The following CSMD1 variants were observed in gnomAD, a reference collection of about 807,000 sequenced individuals.
CSMD1 encodes the protein CUB and Sushi multiple domains 1.
A neutral mutation model predicts 417.5 loss-of-function variants in CSMD1; 213 were observed. The observed-to-expected ratio is 0.51, with a 90% CI of 0.46 to 0.57. CSMD1 has a LOEUF of 0.57. Ranked by LOEUF, CSMD1 falls within the 20% of genes least tolerant of loss-of-function variation. The probability of loss-of-function intolerance (pLI) is 0.00; values close to 1 mark genes in which losing one functional copy is unlikely to be tolerated. For missense variants in CSMD1, 6,923 were observed against 4,529.7 expected (o/e 1.53, Z -15.17); for synonymous variants, 2,862 against 1,736.8 (o/e 1.65, Z -16.11).
At chr8:4,822,505 C>T (rs1454511703) in intron 1 of CSMD1, among the ~76,000 whole-genome samples, 1 of 151,960 alleles carries the variant, frequency 6.6e-6, no homozygotes, top group Non-Finnish European at 1.5e-5. Context: ...TCTCATTTAC[C>T]TGGGCCACAG....
At chr8:3,506,086 G>C (rs1796813435) in intron 10 of CSMD1, among the ~76,000 whole-genome samples, 1 of 152,224 alleles carries the variant, frequency 6.6e-6, no homozygotes, top group South Asian at 2.1e-4. Context: ...CTGGGGCTGT[G>C]TTCTCATAAG....
intron 1 of CSMD1, among the ~76,000 whole-genome samples, chr8:4,792,989 TA>T (rs1200406858): frequency 6.7e-6 from 1 of 148,320 alleles, no homozygotes; most frequent in African/African-American, 2.5e-5. Context: ...ATGCAATATA[TA>T]TATATATATA....
At chr8:4,982,567 G>C (rs368780049) in intron 1 of CSMD1, among the ~76,000 whole-genome samples, 4 of 152,190 alleles carry the variant, frequency 2.6e-5, no homozygotes, top group East Asian at 1.9e-4. Context: ...CTTTAACTTA[G>C]GTACTTCTTT....
At position 3,493,633 on chromosome 8, in the gene CSMD1, C is replaced by T; in HGVS notation, c.1438G>A (p.Val480Ile). The change falls in exon 11 of 70, where the codon GTC becomes ATC. Residue 480 changes from valine to isoleucine, a missense_variant. Coordinates refer to ENST00000635120, the MANE Select transcript of CSMD1 (RefSeq NM_033225.6). The stretch of plus-strand genomic sequence containing the variant: ...CAAGGACATACTCACACGTACAAGA[C>T]CGATCTGGTGTCTCCCACCTTCCCA... ...DAGKVGDTRSVLYVLTGSSVP... is the reference protein window; with the variant it reads ...DAGKVGDTRSILYVLTGSSVP... 1 of 1,609,638 alleles carries T rather than the reference C, an allele frequency of 6.2e-7. No individual in the cohort carries two copies.
At chr8:4,883,158 T>TC (rs1473761689) in intron 1 of CSMD1, among the ~76,000 whole-genome samples, 1 of 152,068 alleles carries the variant, frequency 6.6e-6, no homozygotes, top group Admixed American at 6.6e-5. Flanking sequence ...TGGGGCATCG[T>TC]CATTTTCTCT....
chr8:3,291,855 T>C (rs1283238585), intron 25 of CSMD1, among the ~76,000 whole-genome samples: 2 of 152,130 alleles, frequency 1.3e-5, no homozygotes, highest in African/African-American at 2.4e-5. Flanking sequence ...TAGTTATTTC[T>C]TGCCTTCTGC....
chr8:3,457,677 T>A, intron 12 of CSMD1, among the ~76,000 whole-genome samples: 1 of 152,226 alleles, frequency 6.6e-6, no homozygotes, highest in Admixed American at 6.5e-5. Flanking sequence ...TCAGAAATTT[T>A]AACAAAGACT....
intron 3 of CSMD1, among the ~76,000 whole-genome samples, chr8:4,140,629 C>T (rs577099748): frequency 1.3e-5 from 2 of 151,022 alleles, no homozygotes; most frequent in Non-Finnish European, 2.9e-5. Flanking sequence ...GATTGCGCCA[C>T]TGCACTCCAG....
At chr8:3,780,852 C>T (rs970775893) in intron 5 of CSMD1, among the ~76,000 whole-genome samples, 7 of 152,136 alleles carry the variant, frequency 4.6e-5, no homozygotes, top group African/African-American at 1.4e-4. Context: ...ATTTTCTCTG[C>T]TTATTGGATA....
At chr8:4,757,538 T>C (rs1369295700) in intron 1 of CSMD1, among the ~76,000 whole-genome samples, 2 of 152,172 alleles carry the variant, frequency 1.3e-5, no homozygotes, top group South Asian at 2.1e-4. Flanking sequence ...ATCCCTACCA[T>C]GTAGGTGACA....
At chr8:3,199,115 T>A (rs1315278671) in intron 33 of CSMD1, among the ~76,000 whole-genome samples, 1 of 152,224 alleles carries the variant, frequency 6.6e-6, no homozygotes, top group East Asian at 1.9e-4. Context: ...ATTCTTTACT[T>A]TGCAGAATCT....
At chr8:4,742,240 C>T (rs1810662299) in intron 1 of CSMD1, among the ~76,000 whole-genome samples, 1 of 151,052 alleles carries the variant, frequency 6.6e-6, no homozygotes, top group African/African-American at 2.4e-5. Flanking sequence ...CCTTGTTAGC[C>T]AGGATGGTCT....
chr8:4,860,882 G>C (rs994634568), intron 1 of CSMD1, among the ~76,000 whole-genome samples: 2 of 152,058 alleles, frequency 1.3e-5, no homozygotes, highest in Non-Finnish European at 2.9e-5. Context: ...TCTCCTGCTA[G>C]AGAAACCTTC....
chr8:3,344,989 G>C (rs1431625161), intron 22 of CSMD1, among the ~76,000 whole-genome samples: 1 of 152,198 alleles, frequency 6.6e-6, no homozygotes, highest in South Asian at 2.1e-4. Flanking sequence ...GACATCCAGA[G>C]ACTAAATGGT....
chr8:2,972,977 C>T (rs766932305), intron 57 of CSMD1, 140 bp downstream of exon 57: 62 of 815,650 alleles, frequency 7.6e-5, no homozygotes, highest in Admixed American at 6.9e-4. Context: ...GATGATGCTT[C>T]CACAAATATT....
chr8:4,609,379 T>A (rs1343461316), intron 2 of CSMD1, among the ~76,000 whole-genome samples: 2 of 152,158 alleles, frequency 1.3e-5, no homozygotes, highest in Admixed American at 1.3e-4. Context: ...CCAGCCTGGG[T>A]GACAGGGTGA....
At chr8:3,614,465 C>A (rs370464163) in intron 8 of CSMD1, among the ~76,000 whole-genome samples, 1 of 152,102 alleles carries the variant, frequency 6.6e-6, no homozygotes, top group African/African-American at 2.4e-5. Flanking sequence ...GGCTTACTCA[C>A]CTAGGATATG....
chr8:4,350,882 G>T (rs77825632), intron 3 of CSMD1, among the ~76,000 whole-genome samples: 1,711 of 152,282 alleles, frequency 0.011, 19 homozygotes, highest in Non-Finnish European at 0.016. Context: ...GGATGGAGGG[G>T]AAAGGATGTG....
intron 3 of CSMD1, among the ~76,000 whole-genome samples, chr8:4,344,521 GAAAT>G (rs1474541490): frequency 6.6e-6 from 1 of 150,640 alleles, no homozygotes; most frequent in East Asian, 1.9e-4. Flanking sequence ...ATGATTGTCA[GAAAT>G]ATATATAAAT....
Sources: gnomAD v4.1 joint callset for allele counts (sites outside exome capture counted in the v4.1 genomes callset) on GRCh38, gnomAD v4.1.1 for gene constraint, MANE v1.5 for transcripts, NCBI Gene and HGNC (gene_info 2026-07-23, HGNC 2026-07-21) for gene names.